Variants in FCER2 observed in about 807,000 individuals in gnomAD.
FCER2 encodes the protein Fc epsilon receptor II, also known as low affinity immunoglobulin epsilon Fc receptor.
Under a neutral mutation model 49.7 loss-of-function variants are expected in FCER2, and 38 were observed. The ratio of observed to expected loss-of-function variants is 0.76; its 90% confidence interval spans 0.59 to 1.00. The LOEUF is 1.00. FCER2 is among the 50% of genes least tolerant of loss of function. The pLI, the probability that FCER2 is intolerant of heterozygous loss-of-function variation, is 0.00. For missense variants in FCER2, 425 were observed against 419.5 expected (o/e 1.01, Z -0.11); for synonymous variants, 163 against 164.6 (o/e 0.99, Z 0.07).
Position 7,697,220 on chromosome 19 carries a change from G to T in FCER2, c.316+16C>A. The T allele has an allele frequency of 6.2e-7, 1 of 1,613,526 alleles. No homozygotes were observed. The highest frequency in any genetic ancestry group is 1.3e-5 in the African/African-American group (1 of 75,022). ...CCACCCAATCTGGCTTCATAACCCC[G>T]ATCCCAGTCTCTCACCCTGAGATTT... On this transcript the variant is annotated intron_variant, in intron 6 of 10. Coordinates refer to ENST00000597921, the MANE Select transcript of FCER2 (RefSeq NM_001220500.2).
chr19:7,695,870 T>C (rs1301263284), intron 8 of FCER2, among the ~76,000 whole-genome samples: 1 of 151,494 alleles, frequency 6.6e-6, no homozygotes, highest in Non-Finnish European at 1.5e-5. Context: ...TAAGCTATGA[T>C]TGCACCACTG....
At chr19:7,689,946 C>T (rs2032813163) in intron 10 of FCER2, among the ~76,000 whole-genome samples, 1 of 152,090 alleles carries the variant, frequency 6.6e-6, no homozygotes, top group African/African-American at 2.4e-5. Flanking sequence ...GTGCATGGAA[C>T]TTCCTCCCTG....
chr19:7,695,798 T>A (rs747555156), intron 8 of FCER2, among the ~76,000 whole-genome samples: 22 of 152,032 alleles, frequency 1.4e-4, no homozygotes, highest in Non-Finnish European at 7.4e-5. Context: ...ACACTCGTAG[T>A]CTCAGCTACT....
Position 7,697,139 on chromosome 19 carries a change from C to T in FCER2, c.317-64G>A, listed in dbSNP as rs1195691866. On this transcript the variant is annotated intron_variant, in intron 6 of 10. Coordinates refer to ENST00000597921, the MANE Select transcript of FCER2 (RefSeq NM_001220500.2). ...ATGTGTACAGGCCGAGGGTGCCCCC[C>T]AAGCCTGGCCCCCCAGCCTCGTGGT... 1.9e-6 allele frequency: 3 copies of T among 1,606,218 alleles called. No homozygotes were observed. The African/African-American group carries it at 4.0e-5, about 21-fold the overall frequency.
At position 7,692,269 on chromosome 19, in the gene FCER2, C is replaced by T. The variant is rs531946255; in HGVS notation, c.470-1712G>A. Among the ~76,000 whole-genome samples, 122 of 88,146 alleles carry T rather than the reference C, an allele frequency of 1.4e-3. 25 individuals are homozygous for T. Among genetic ancestry groups the T allele is most frequent in the African/African-American group, 7.6e-3 (116 of 15,204 alleles). 57.8% of individuals were successfully genotyped at this position (88,146 alleles called of 152,430 possible). A position where few individuals can be genotyped will look rare whatever the true frequency, so the allele number is the denominator to read the frequency against. ...AACACCACTGTCATGAACACATTCA[C>T]GTCCATCAACACATCAACCACCAAC... On this transcript the variant is annotated intron_variant, in intron 8 of 10. Coordinates refer to ENST00000597921, the MANE Select transcript of FCER2 (RefSeq NM_001220500.2).
At chr19:7,692,174 G>A (rs111705765) in intron 8 of FCER2, among the ~76,000 whole-genome samples, 4,545 of 101,020 alleles carry the variant, frequency 0.045, 7 homozygotes, top group African/African-American at 0.21. Context: ...ATACATTCAC[G>A]TCCAACAACA....
intron 1 of FCER2, chr19:7,700,089 T>G: frequency 2.8e-6 from 1 of 357,616 alleles, no homozygotes; most frequent in Non-Finnish European, 5.1e-6. Context: ...ACCCATGAGA[T>G]CTTGACAAAT....
chr19:7,698,770 G>A lies in FCER2; in HGVS notation c.107C>T (p.Ala36Val), dbSNP rs1359291275. 1.9e-6 allele frequency: 3 copies of A among 1,612,844 alleles called. No individual in the cohort carries two copies. In the African/African-American group the frequency reaches 4.0e-5, roughly 22 times the overall value. Residue 36 changes from alanine to valine, a missense_variant, in exon 3 of 11, where the codon GCT (alanine) becomes GTT (valine). Coordinates refer to ENST00000597921, the MANE Select transcript of FCER2 (RefSeq NM_001220500.2). ...CAGGAGAAGCAGAGTCAGCAGCCCA[G>A]CCCACAGAGCGGCGGTCACCAGCCC... ...LLGLVTAALW[A>V]GLLTLLLLWH...
At position 7,688,906 on chromosome 19, in the gene FCER2, TA is replaced by T; in HGVS notation, c.*286del. 2 of 434,922 alleles carry T rather than the reference TA, an allele frequency of 4.6e-6. No homozygotes were observed. Among genetic ancestry groups the T allele is most frequent in the Non-Finnish European group, 8.3e-6 (2 of 239,772 alleles). 26.9% of individuals were successfully genotyped at this position (434,922 alleles called of 1,614,324 possible). On this transcript the variant is annotated 3_prime_UTR_variant, in exon 11 of 11. Coordinates refer to ENST00000597921, the MANE Select transcript of FCER2 (RefSeq NM_001220500.2). ...ATCTGGAGAGGGTGCTGTTGGGGTG[TA>T]CTCTCATCTGGAGAGGGTGCTGTTG...
Position 7,689,261 on chromosome 19 carries a change from T to A in FCER2, c.898A>T (p.Met300Leu). 1 of 1,613,858 alleles carries A rather than the reference T, an allele frequency of 6.2e-7. No homozygotes were observed. Among genetic ancestry groups the A allele is most frequent in the Non-Finnish European group, 8.5e-7 (1 of 1,179,934 alleles). ...GGGTCTGGTCTTGAATCAGGTCCCATGGACTCCGCGGAACCTTCGCTGGCT... is the reference window on the plus strand; with the variant it reads ...GGGTCTGGTCTTGAATCAGGTCCCAAGGACTCCGCGGAACCTTCGCTGGCT... ...PPASEGSAES[M>L]GPDSRPDPDG... Residue 300 changes from methionine (M) to leucine (L), a missense_variant, in exon 11 of 11, where the codon ATG becomes TTG. Coordinates refer to ENST00000597921, the MANE Select transcript of FCER2 (RefSeq NM_001220500.2).
At chr19:7,690,641 A>G in intron 8 of FCER2, 84 bp from the exon 9 acceptor site, 1 of 1,410,616 alleles carries the variant, frequency 7.1e-7, no homozygotes, top group African/African-American at 1.4e-5. Context: ...CACCCCTCCT[A>G]GGGCCACTCC....
rs2033086210 is a variant in FCER2, at chr19:7,698,787, C to T, written c.90G>A (p.Val30=). The change falls in exon 3 of 11, where the codon GTG becomes GTA. Residue 30 remains valine, a synonymous_variant. Coordinates refer to ENST00000597921, the MANE Select transcript of FCER2 (RefSeq NM_001220500.2). The part of the protein sequence containing the change: ...RGTQIVLLGL[V]TAALWAGLLT... ...GCAGCCCAGCCCACAGAGCGGCGGT[C>T]ACCAGCCCCAGCAGCACGATCTGAG... The T allele has an allele frequency of 6.2e-7, 1 of 1,612,646 alleles. No individual in the cohort carries two copies. Among genetic ancestry groups the T allele is most frequent in the African/African-American group, 1.3e-5 (1 of 74,834 alleles).
At chr19:7,698,465 G>T in intron 3 of FCER2, 56 bp from the exon 4 acceptor site, 1 of 1,364,822 alleles carries the variant, frequency 7.3e-7, no homozygotes, top group Non-Finnish European at 1.0e-6. Context: ...GCCCCCACCT[G>T]CCTGCACCCC....
At position 7,697,074 on chromosome 19, in the gene FCER2, G is replaced by C. The variant is rs763914443; in HGVS notation, c.318C>G (p.Asp106Glu). The C allele has an allele frequency of 5.9e-5, 95 of 1,613,356 alleles. No homozygotes were observed. The highest frequency in any genetic ancestry group is 7.5e-5 in the Non-Finnish European group (88 of 1,179,700). Residue 106 changes from aspartate (D) to glutamate (E), a missense_variant and splice_region_variant, in exon 7 of 11, where the codon GAC becomes GAG. Asp to Glu is a conservative substitution (Grantham distance 45). Coordinates refer to ENST00000597921, the MANE Select transcript of FCER2 (RefSeq NM_001220500.2). ...RAEQQRLKSQ[D>E]LELSWNLNGL... ...CGTTCAGGTTCCAGGACAGCTCCAA[G>C]TCTGGTGTGTGCAGGAGCGCAGGGC...
chr19:7,699,900 A>G lies in FCER2; in HGVS notation c.-85-55T>C, dbSNP rs72558011. ...GAGCCATCAAATCCTAGTTACCAGC[A>G]CAGGATAGCATCTGGGACTTGGTGG... On this transcript the variant is annotated intron_variant, in intron 1 of 10. Coordinates refer to ENST00000597921, the MANE Select transcript of FCER2 (RefSeq NM_001220500.2). 6.1e-3 allele frequency: 4,809 copies of G among 792,332 alleles called. 176 individuals carry two copies. The African/African-American group carries it at 0.07, about 12-fold the overall frequency. 49.1% of individuals were successfully genotyped at this position (792,332 alleles called of 1,614,324 possible).
chr19:7,695,408 C>T (rs2032984270), intron 8 of FCER2, among the ~76,000 whole-genome samples: 2 of 152,200 alleles, frequency 1.3e-5, no homozygotes, highest in Admixed American at 6.5e-5. Context: ...CGAGGGTCAA[C>T]ACTGGACTGC....
chr19:7,699,517 TG>T, intron 2 of FCER2: 1 of 1,390,566 alleles, frequency 7.2e-7, no homozygotes, highest in East Asian at 2.7e-5. Context: ...GTCAGGAGGG[TG>T]TTGAATCAGA....
chr19:7,698,470 C>T, intron 3 of FCER2, 61 bp from the exon 4 acceptor site: 5 of 1,321,454 alleles, frequency 3.8e-6, no homozygotes, highest in South Asian at 3.7e-5. Context: ...CACCTGCCTG[C>T]ACCCCACCTC....
At chr19:7,697,172 G>A (rs894515778) in intron 6 of FCER2, 64 bp downstream of exon 6, 3 of 1,607,342 alleles carry the variant, frequency 1.9e-6, no homozygotes, top group African/African-American at 1.3e-5. Context: ...GGTTCCCCAG[G>A]GCTCTGAGAC....
Sources: allele counts gnomAD v4.1 joint callset (sites outside exome capture counted in the v4.1 genomes callset), GRCh38; gene constraint gnomAD v4.1.1; transcripts MANE v1.5; gene names NCBI Gene and HGNC (gene_info 2026-07-23, HGNC 2026-07-21).